Variants in PPARGC1A observed in about 807,000 individuals in gnomAD.
PPARGC1A encodes PPARG coactivator 1 alpha.
In PPARGC1A, 25 loss-of-function variants were observed where a neutral mutation model predicts 88.7. That is an observed-to-expected ratio of 0.28 (90% confidence interval 0.21 to 0.39). The LOEUF (loss-of-function observed/expected upper bound fraction) is 0.39. Ranked by LOEUF, PPARGC1A falls within the 10% of genes least tolerant of loss-of-function variation. The pLI, the probability that PPARGC1A is intolerant of heterozygous loss-of-function variation, is 1.00. For missense variants in PPARGC1A, 880 were observed against 968.7 expected (o/e 0.91, Z 1.22); for synonymous variants, 363 against 355.6 (o/e 1.02, Z -0.24).
At chr4:24,385,545 A>C in the PPARGC1A span, among the ~76,000 whole-genome samples, 1 of 152,176 alleles carries the variant, frequency 6.6e-6, no homozygotes, top group Non-Finnish European at 1.5e-5. Context: ...ACACAATAAA[A>C]ATGATAAAGA....
the PPARGC1A span, among the ~76,000 whole-genome samples, chr4:24,038,562 T>C: frequency 6.6e-6 from 1 of 152,206 alleles, no homozygotes; most frequent in Non-Finnish European, 1.5e-5. Context: ...TCTTCCAATG[T>C]AGAGCAATAA....
the PPARGC1A span, among the ~76,000 whole-genome samples, chr4:24,041,282 T>C: frequency 2.6e-5 from 4 of 152,152 alleles, no homozygotes; most frequent in African/African-American, 7.2e-5. Context: ...ACGTTTTCCC[T>C]CCAACTCCTC....
the PPARGC1A span, among the ~76,000 whole-genome samples, chr4:24,296,778 T>C: frequency 6.6e-6 from 1 of 152,230 alleles, no homozygotes; most frequent in African/African-American, 2.4e-5. Flanking sequence ...TGCAAATCTC[T>C]GAGATGCCTG....
rs573204277 is a variant in PPARGC1A at position 23,828,230 on chromosome 4, T to G, written c.757+170A>C. The stretch of plus-strand genomic sequence containing the variant: ...TCAGCTGAATAGAATATGTTTAACC[T>G]GTGTCCAAGGAAAGGTTTCTTCCCC... On this transcript the variant is annotated intron_variant, in intron 5 of 12. Coordinates refer to ENST00000264867, the MANE Select transcript of PPARGC1A (RefSeq NM_013261.5). 2.6e-5 allele frequency among the ~76,000 whole-genome samples: 4 copies of G among 152,310 alleles called. No homozygotes were observed. The East Asian group carries it at 7.7e-4, about 29-fold the overall frequency.
At chr4:24,256,402 A>C in the PPARGC1A span, among the ~76,000 whole-genome samples, 1 of 152,324 alleles carries the variant, frequency 6.6e-6, no homozygotes, top group Admixed American at 6.5e-5. Context: ...TCGCAGACAA[A>C]AAGGTTCAGA....
the PPARGC1A span, among the ~76,000 whole-genome samples, chr4:24,174,405 C>T: frequency 8.5e-5 from 13 of 152,188 alleles, no homozygotes; most frequent in African/African-American, 1.4e-4. Flanking sequence ...GCCTGATAAT[C>T]TGTATTTTTA....
the PPARGC1A span, among the ~76,000 whole-genome samples, chr4:24,422,016 T>C: frequency 3.1e-4 from 47 of 152,270 alleles, no homozygotes; most frequent in Middle Eastern, 3.4e-3. Flanking sequence ...TTAAACAATA[T>C]AATGAGTCGT....
chr4:24,253,950 A>G, the PPARGC1A span, among the ~76,000 whole-genome samples: 1 of 152,224 alleles, frequency 6.6e-6, no homozygotes, highest in Non-Finnish European at 1.5e-5. Flanking sequence ...TGGGGATACC[A>G]ATGATGGACC....
chr4:24,102,058 G>A, the PPARGC1A span, among the ~76,000 whole-genome samples: 2 of 152,118 alleles, frequency 1.3e-5, no homozygotes, highest in African/African-American at 4.8e-5. Flanking sequence ...CGACCCCAGG[G>A]ATCCATCCAA....
At chr4:24,265,110 T>C in the PPARGC1A span, among the ~76,000 whole-genome samples, 1 of 152,192 alleles carries the variant, frequency 6.6e-6, no homozygotes, top group African/African-American at 2.4e-5. Flanking sequence ...AGTTATTCTA[T>C]GGAAAAGACT....
chr4:24,146,676 T>C, the PPARGC1A span, among the ~76,000 whole-genome samples: 2 of 152,148 alleles, frequency 1.3e-5, no homozygotes, highest in African/African-American at 4.8e-5. Context: ...ATAAAATCAA[T>C]ATGATGGCCA....
the PPARGC1A span, among the ~76,000 whole-genome samples, chr4:24,036,088 C>A: frequency 6.6e-6 from 1 of 152,142 alleles, no homozygotes; most frequent in Admixed American, 6.5e-5. Context: ...AGTTACTGTG[C>A]CTCAATTTCC....
At chr4:23,908,755 G>T (rs1486991076), upstream of PPARGC1A, among the ~76,000 whole-genome samples, 2 of 152,280 alleles carry the variant, frequency 1.3e-5, no homozygotes, top group East Asian at 3.9e-4. Context: ...TTGATAAAAT[G>T]CTCCACTGGG....
At chr4:24,353,180 T>G in the PPARGC1A span, among the ~76,000 whole-genome samples, 1 of 148,488 alleles carries the variant, frequency 6.7e-6, no homozygotes, top group African/African-American at 2.5e-5. Context: ...GTGACCCTTT[T>G]AAATAATCAA....
At chr4:24,418,214 T>C in the PPARGC1A span, among the ~76,000 whole-genome samples, 20 of 152,188 alleles carry the variant, frequency 1.3e-4, no homozygotes, top group Admixed American at 7.9e-4. Flanking sequence ...TCAATGATAT[T>C]CCCCACCCCA....
chr4:24,210,303 G>T, the PPARGC1A span, among the ~76,000 whole-genome samples: 1 of 152,156 alleles, frequency 6.6e-6, no homozygotes, highest in Non-Finnish European at 1.5e-5. Flanking sequence ...TTCTTAAATA[G>T]AGATCATACC....
the PPARGC1A span, among the ~76,000 whole-genome samples, chr4:24,367,495 G>T: frequency 1.3e-5 from 2 of 152,134 alleles, no homozygotes; most frequent in African/African-American, 4.8e-5. Flanking sequence ...GATATGTGAA[G>T]AATCTGGTTA....
At chr4:24,035,612 A>C in the PPARGC1A span, among the ~76,000 whole-genome samples, 1 of 151,846 alleles carries the variant, frequency 6.6e-6, no homozygotes, top group African/African-American at 2.4e-5. Flanking sequence ...AATATGAGTA[A>C]TTTTTGTAGG....
chr4:24,350,456 G>T, the PPARGC1A span, among the ~76,000 whole-genome samples: 1 of 152,100 alleles, frequency 6.6e-6, no homozygotes, highest in Non-Finnish European at 1.5e-5. Context: ...ACATACACCT[G>T]GGATATAGGA....
Sources: gnomAD v4.1 joint callset for allele counts (sites outside exome capture counted in the v4.1 genomes callset) on GRCh38, gnomAD v4.1.1 for gene constraint, MANE v1.5 for transcripts, NCBI Gene and HGNC (gene_info 2026-07-23, HGNC 2026-07-21) for gene names.